The following TRIM44 variants were observed in gnomAD, a reference collection of about 807,000 sequenced individuals.
The protein encoded by TRIM44 is tripartite motif containing 44.
In TRIM44, 13 loss-of-function variants were observed where a neutral mutation model predicts 37.4. The ratio of observed to expected loss-of-function variants is 0.35; its 90% CI spans 0.23 to 0.55. The LOEUF is 0.55. TRIM44 is among the 20% of genes least tolerant of loss of function. The pLI is 0.89. For synonymous variants in TRIM44, 175 were observed against 157.2 expected (o/e 1.11, Z -0.85); for missense variants, 426 against 437.2 (o/e 0.97, Z 0.23).
chr11:35,731,092 C>T (rs1049243493), intron 3 of TRIM44, among the ~76,000 whole-genome samples: 2 of 152,018 alleles, frequency 1.3e-5, no homozygotes, highest in Admixed American at 6.5e-5. Context: ...ATTTCTTTGT[C>T]TTGTCTTACT....
intron 4 of TRIM44, among the ~76,000 whole-genome samples, chr11:35,798,397 G>C (rs917080345): frequency 6.6e-6 from 1 of 152,088 alleles, no homozygotes; most frequent in Non-Finnish European, 1.5e-5. Flanking sequence ...TTGGGGTCCC[G>C]AGATTTATTT....
intron 4 of TRIM44, among the ~76,000 whole-genome samples, chr11:35,777,569 A>G (rs1040187772): frequency 2.0e-5 from 3 of 152,110 alleles, no homozygotes; most frequent in South Asian, 2.1e-4. Flanking sequence ...ACAATTTGGC[A>G]TGTTTTTGCA....
intron 2 of TRIM44, among the ~76,000 whole-genome samples, chr11:35,707,575 T>C (rs1241343540): frequency 1.4e-5 from 2 of 140,264 alleles, no homozygotes; most frequent in South Asian, 4.6e-4. Context: ...ATATAGATCA[T>C]TGGAACAGAA....
chr11:35,688,800 G>C (rs897183061), intron 2 of TRIM44, among the ~76,000 whole-genome samples: 1 of 152,206 alleles, frequency 6.6e-6, no homozygotes, highest in Admixed American at 6.5e-5. Context: ...GGGGTGGCTA[G>C]ACAATGTTCA....
At chr11:35,704,609 A>G (rs960655811) in intron 2 of TRIM44, among the ~76,000 whole-genome samples, 7 of 152,194 alleles carry the variant, frequency 4.6e-5, no homozygotes, top group African/African-American at 1.4e-4. Context: ...CCAATATTCA[A>G]CATTCTTAAA....
At chr11:35,796,788 A>C (rs941771000) in intron 4 of TRIM44, among the ~76,000 whole-genome samples, 2 of 152,224 alleles carry the variant, frequency 1.3e-5, no homozygotes, top group Admixed American at 6.5e-5. Context: ...TTTCTCTTGA[A>C]GTTCAACAGG....
At chr11:35,770,595 G>A (rs1034379554) in intron 4 of TRIM44, among the ~76,000 whole-genome samples, 4 of 152,178 alleles carry the variant, frequency 2.6e-5, no homozygotes, top group Non-Finnish European at 4.4e-5. Flanking sequence ...TCTGACTGGT[G>A]TGAGATGGTA....
intron 4 of TRIM44, among the ~76,000 whole-genome samples, chr11:35,742,442 A>T (rs1197120584): frequency 7.2e-6 from 1 of 138,898 alleles, no homozygotes; most frequent in Non-Finnish European, 1.5e-5. Flanking sequence ...ATATTATATT[A>T]AATATAATTA....
intron 4 of TRIM44, among the ~76,000 whole-genome samples, chr11:35,763,195 C>T (rs1198037429): frequency 6.6e-6 from 1 of 152,048 alleles, no homozygotes; most frequent in East Asian, 1.9e-4. Context: ...ATGCAATCCA[C>T]CCTAGTAGAG....
rs115997314 is a variant in TRIM44 at position 35,779,509 on chromosome 11, G to A, written c.1008-26849G>A. Among the ~76,000 whole-genome samples the A allele has an allele frequency of 8.3e-3, 1,265 of 152,162 alleles. 16 individuals carry two copies. The highest frequency in any genetic ancestry group is 0.028 in the African/African-American group (1,171 of 41,520). Reference sequence around the variant, plus strand: ...TCAGTTGGAAATGCAGAAATCACCCGTCTTCTATTGCTCACGCTGGGAGCT... The same window carrying A: ...TCAGTTGGAAATGCAGAAATCACCCATCTTCTATTGCTCACGCTGGGAGCT... On this transcript the variant is annotated intron_variant, in intron 4 of 4. Coordinates refer to ENST00000299413, the MANE Select transcript of TRIM44 (RefSeq NM_017583.6).
intron 4 of TRIM44, among the ~76,000 whole-genome samples, chr11:35,765,781 T>C (rs1852790401): frequency 6.6e-6 from 1 of 152,230 alleles, no homozygotes. Context: ...TCTCTCCTGC[T>C]CTTTCTGTGC....
intron 1 of TRIM44, among the ~76,000 whole-genome samples, chr11:35,670,983 C>T (rs114942523): frequency 1.2e-4 from 19 of 152,310 alleles, no homozygotes; most frequent in African/African-American, 4.6e-4. Flanking sequence ...TGTACATTTA[C>T]TTATTGGCAA....
intron 4 of TRIM44, among the ~76,000 whole-genome samples, chr11:35,755,260 G>A (rs1852620295): frequency 1.3e-5 from 2 of 152,340 alleles, no homozygotes; most frequent in Admixed American, 6.5e-5. Context: ...GGCCAGTAAT[G>A]ATGAGCATTT....
intron 4 of TRIM44, among the ~76,000 whole-genome samples, chr11:35,753,792 A>G (rs562695252): frequency 1.3e-5 from 2 of 151,968 alleles, no homozygotes; most frequent in African/African-American, 4.8e-5. Context: ...GCAGTGGCGT[A>G]ATCTCAGCTC....
chr11:35,697,212 C>T (rs1236442040), intron 2 of TRIM44, among the ~76,000 whole-genome samples: 5 of 109,058 alleles, frequency 4.6e-5, no homozygotes, highest in East Asian at 3.3e-4. Context: ...TATCCCTCCC[C>T]CTCCCCCCAC....
rs189556185 is a variant in TRIM44 at position 35,730,698 on chromosome 11, T to C, written c.987+4535T>C. On this transcript the variant is annotated intron_variant, in intron 3 of 4. Transcript: ENST00000299413. ...CATGCTCTCAGAAATGGTTCATGGTTTTCATTTAAAGGTATTAATGGCTTT... is the reference window on the plus strand; with the variant it reads ...CATGCTCTCAGAAATGGTTCATGGTCTTCATTTAAAGGTATTAATGGCTTT... 3.2e-3 allele frequency among the ~76,000 whole-genome samples: 493 copies of C among 152,330 alleles called. 4 individuals are homozygous for C. Among genetic ancestry groups the C allele is most frequent in the South Asian group, 0.013 (64 of 4,828 alleles).
At chr11:35,792,072 T>TACACAAC (rs147613844) in intron 4 of TRIM44, among the ~76,000 whole-genome samples, 5 of 136,744 alleles carry the variant, frequency 3.7e-5, no homozygotes, top group African/African-American at 8.6e-5. Flanking sequence ...GAGTTGCCCC[T>TACACAAC]ACACACACAC....
intron 2 of TRIM44, among the ~76,000 whole-genome samples, chr11:35,704,613 T>G (rs2135503239): frequency 6.6e-6 from 1 of 152,308 alleles, no homozygotes; most frequent in African/African-American, 2.4e-5. Context: ...TATTCAACAT[T>G]CTTAAAGAAA....
At position 35,663,722 on chromosome 11, in the gene TRIM44, T is replaced by C. The variant is rs142660136; in HGVS notation, c.611T>C (p.Ile204Thr). Residue 204 changes from isoleucine (I) to threonine (T), a missense_variant, in exon 1 of 5, where the codon ATT becomes ACT. By Grantham distance (89) the Ile-to-Thr change is moderately conservative. Transcript: ENST00000299413. ...RQLICVLCPV[I>T]GAHQGHQLST... The stretch of plus-strand genomic sequence containing the variant: ...CTCATCTGTGTCCTGTGTCCAGTCA[T>C]TGGGGCTCACCAGGGCCACCAACTC... 1.3e-5 allele frequency: 21 copies of C among 1,614,002 alleles called. No homozygotes were observed. The highest frequency in any genetic ancestry group is 4.0e-5 in the African/African-American group (3 of 74,906).
Sources: allele counts gnomAD v4.1 joint callset (sites outside exome capture counted in the v4.1 genomes callset), GRCh38; gene constraint gnomAD v4.1.1; transcripts MANE v1.5; gene names NCBI Gene and HGNC (gene_info 2026-07-23, HGNC 2026-07-21).